The following ERC1 variants were observed in gnomAD, a reference collection of about 807,000 sequenced individuals.
The protein encoded by ERC1 is RAB6 interacting protein 2.
Under a neutral mutation model 132.0 loss-of-function variants are expected in ERC1, and 56 were observed. That is an observed-to-expected ratio of 0.42 (90% CI 0.34 to 0.53). The LOEUF (loss-of-function observed/expected upper bound fraction) is 0.53, where lower values mean the gene tolerates loss of function less well. Ranked by LOEUF, ERC1 falls within the 20% of genes least tolerant of loss-of-function variation. The pLI, the probability that ERC1 is intolerant of heterozygous loss-of-function variation, is 0.03. For synonymous variants in ERC1, 478 were observed against 476.1 expected (o/e 1.00, Z -0.05); for missense variants, 1,202 against 1,349.9 (o/e 0.89, Z 1.72).
intron 18 of ERC1, among the ~76,000 whole-genome samples, chr12:1,453,464 G>A (rs1320739334): frequency 1.3e-5 from 2 of 152,166 alleles, no homozygotes; most frequent in Non-Finnish European, 2.9e-5. Context: ...GTTGAGCATG[G>A]AAAATTTGGC....
intron 3 of ERC1, among the ~76,000 whole-genome samples, chr12:1,100,872 G>C (rs1044704860): frequency 2.0e-5 from 3 of 152,180 alleles, no homozygotes; most frequent in African/African-American, 7.2e-5. Context: ...AAGGGAATGA[G>C]TATAGGTGGA....
At position 1,183,230 on chromosome 12, in the gene ERC1, CCT is replaced by C. The variant is rs745521755; in HGVS notation, c.2017-48_2017-47del. ...ACCATGATAAATTTAAAAATTTAAA[CCT>C]CTATTTTTTTTAAAATTATTTATTC... On this transcript the variant is annotated intron_variant, in intron 10 of 18. Transcript: ENST00000360905. The C allele has an allele frequency of 1.4e-5, 18 of 1,246,598 alleles. No individual in the cohort carries two copies. The South Asian group carries it at 2.8e-4, about 19-fold the overall frequency. The allele number at this position is 1,246,598 out of a possible 1,614,324, so 77.2% of individuals were successfully genotyped here. A position where few individuals can be genotyped will look rare whatever the true frequency, so the allele number is the denominator to read the frequency against.
At chr12:1,243,126 G>A (rs1320605330) in intron 13 of ERC1, among the ~76,000 whole-genome samples, 2 of 149,056 alleles carry the variant, frequency 1.3e-5, no homozygotes, top group African/African-American at 4.9e-5. Flanking sequence ...AGCGGAGCTT[G>A]CAGTGAGCTG....
At chr12:1,411,698 T>G (rs1001014224) in intron 17 of ERC1, among the ~76,000 whole-genome samples, 2 of 152,164 alleles carry the variant, frequency 1.3e-5, no homozygotes, top group African/African-American at 4.8e-5. Flanking sequence ...TGGATGTAGT[T>G]TACTGGTCTC....
chr12:1,140,591 C>T (rs1361344134), intron 7 of ERC1, among the ~76,000 whole-genome samples: 2 of 152,030 alleles, frequency 1.3e-5, no homozygotes, highest in African/African-American at 2.4e-5. Flanking sequence ...CTTTGATGTA[C>T]CCTAAATGTG....
intron 13 of ERC1, among the ~76,000 whole-genome samples, chr12:1,238,066 G>T (rs892845258): frequency 6.6e-6 from 1 of 151,756 alleles, no homozygotes; most frequent in Non-Finnish European, 1.5e-5. Context: ...TTCCTCAAAT[G>T]CACCAAATTT....
At chr12:1,453,637 C>T (rs1438153220) in intron 18 of ERC1, among the ~76,000 whole-genome samples, 2 of 152,170 alleles carry the variant, frequency 1.3e-5, no homozygotes, top group Non-Finnish European at 2.9e-5. Flanking sequence ...AAAACCTTCT[C>T]TTACCATTTT....
intron 14 of ERC1, among the ~76,000 whole-genome samples, chr12:1,273,000 A>G (rs896320124): frequency 1.3e-5 from 2 of 151,844 alleles, no homozygotes; most frequent in Non-Finnish European, 1.5e-5. Context: ...AAACTGCTAG[A>G]AATATATGCT....
chr12:1,333,703 G>A (rs1314689916), intron 15 of ERC1, among the ~76,000 whole-genome samples: 1 of 152,122 alleles, frequency 6.6e-6, no homozygotes, highest in East Asian at 1.9e-4. Context: ...TAATAGCACT[G>A]CAGTGAACAT....
chr12:1,137,392 C>G (rs540221766), intron 7 of ERC1, among the ~76,000 whole-genome samples: 13 of 151,762 alleles, frequency 8.6e-5, no homozygotes, highest in Admixed American at 2.6e-4. Context: ...CCACCACGCC[C>G]GGCCATAGTC....
intron 15 of ERC1, among the ~76,000 whole-genome samples, chr12:1,333,889 G>A (rs762573385): frequency 1.3e-5 from 2 of 152,062 alleles, no homozygotes; most frequent in Non-Finnish European, 2.9e-5. Context: ...AAGTGTTCAG[G>A]TTCCTTTTCC....
chr12:1,487,115 A>C (rs1464308512), intron 18 of ERC1, among the ~76,000 whole-genome samples: 3 of 152,194 alleles, frequency 2.0e-5, no homozygotes, highest in Non-Finnish European at 4.4e-5. Flanking sequence ...CAAGGTACCC[A>C]GCCTCCTAGC....
At chr12:1,400,701 G>T (rs1363684050) in intron 16 of ERC1, among the ~76,000 whole-genome samples, 1 of 151,934 alleles carries the variant, frequency 6.6e-6, no homozygotes, top group Non-Finnish European at 1.5e-5. Context: ...TTCTCCATTA[G>T]ATTGTCTTGG....
At chr12:1,190,342 CAA>C (rs1178835158) in intron 12 of ERC1, 6 of 422,088 alleles carry the variant, frequency 1.4e-5, no homozygotes, top group Admixed American at 6.8e-5. Flanking sequence ...ACTGGCAAAT[CAA>C]GAGAGGACAA....
intron 15 of ERC1, among the ~76,000 whole-genome samples, chr12:1,325,706 G>A (rs531341932): frequency 6.6e-6 from 1 of 152,170 alleles, no homozygotes; most frequent in Admixed American, 6.5e-5. Context: ...TTTCTTGAAA[G>A]ACAAATAGAA....
intron 12 of ERC1, among the ~76,000 whole-genome samples, chr12:1,226,088 TTC>T (rs2074553730): frequency 6.6e-6 from 1 of 152,216 alleles, no homozygotes; most frequent in African/African-American, 2.4e-5. Flanking sequence ...AACATTATTT[TTC>T]TTTTTATTTC....
intron 2 of ERC1, among the ~76,000 whole-genome samples, chr12:1,065,457 G>A (rs1938937381): frequency 1.5e-5 from 2 of 133,606 alleles, no homozygotes; most frequent in Admixed American, 7.4e-5. Context: ...CTGATGAATT[G>A]TTTTCCTATT....
chr12:1,083,075 G>GATTT, intron 2 of ERC1, 89 bp from the exon 3 acceptor site: 1 of 1,090,562 alleles, frequency 9.2e-7, no homozygotes, highest in Non-Finnish European at 1.3e-6. Flanking sequence ...CAGATTTCTT[G>GATTT]TAGCTATTTT....
intron 12 of ERC1, among the ~76,000 whole-genome samples, chr12:1,200,875 C>T (rs531331434): frequency 1.9e-4 from 29 of 152,052 alleles, no homozygotes; most frequent in Non-Finnish European, 3.4e-4. Flanking sequence ...CCTTTTCTTA[C>T]CATTGCCCAT....
Sources: gnomAD v4.1 joint callset for allele counts (sites outside exome capture counted in the v4.1 genomes callset) on GRCh38, gnomAD v4.1.1 for gene constraint, MANE v1.5 for transcripts, NCBI Gene and HGNC (gene_info 2026-07-23, HGNC 2026-07-21) for gene names.